Variants in FRMD4B observed in about 807,000 individuals in gnomAD.
FRMD4B encodes FERM domain-containing protein 4B.
Under a neutral mutation model 141.5 loss-of-function variants are expected in FRMD4B, and 74 were observed. The observed-to-expected ratio is 0.52, with a 90% CI of 0.43 to 0.63. The LOEUF (loss-of-function observed/expected upper bound fraction) is 0.63, where lower values mean the gene tolerates loss of function less well. FRMD4B is among the 30% of genes least tolerant of loss of function. The pLI, the probability that FRMD4B is intolerant of heterozygous loss-of-function variation, is 0.00. For synonymous variants in FRMD4B, 506 were observed against 467.9 expected, an observed-to-expected ratio of 1.08 and a Z score of -1.05; for missense variants, 1,366 against 1,253.4, an observed-to-expected ratio of 1.09 and a Z score of -1.36.
At chr3:69,238,808 C>G (rs987249436) in intron 7 of FRMD4B, among the ~76,000 whole-genome samples, 1 of 152,092 alleles carries the variant, frequency 6.6e-6, no homozygotes, top group Non-Finnish European at 1.5e-5. Flanking sequence ...CAAAAATGTT[C>G]CTTCCTTTCT....
chr3:69,190,965 G>C (rs1471510366), intron 17 of FRMD4B, among the ~76,000 whole-genome samples: 1 of 152,218 alleles, frequency 6.6e-6, no homozygotes, highest in African/African-American at 2.4e-5. Context: ...TAGTGCTGGG[G>C]TGAGGCGTTA....
chr3:69,541,282 C>A (rs6786922), intron 1 of FRMD4B: 23,042 of 152,090 alleles, frequency 0.15, 2,033 homozygotes, highest in African/African-American at 0.24. Flanking sequence ...CAAATCAGTT[C>A]GCGAAGTTCA....
At chr3:69,507,570 T>G (rs548164075) in intron 1 of FRMD4B, among the ~76,000 whole-genome samples, 1 of 152,218 alleles carries the variant, frequency 6.6e-6, no homozygotes, top group Non-Finnish European at 1.5e-5. Flanking sequence ...CAGTACCATA[T>G]TGATGGATAT....
intron 1 of FRMD4B, among the ~76,000 whole-genome samples, chr3:69,485,434 C>A (rs903022086): frequency 3.3e-5 from 5 of 152,160 alleles, no homozygotes; most frequent in African/African-American, 1.2e-4. Flanking sequence ...GGCCCAGATC[C>A]GCACCCAGGA....
At chr3:69,301,822 T>A (rs1701227478) in intron 4 of FRMD4B, among the ~76,000 whole-genome samples, 1 of 152,244 alleles carries the variant, frequency 6.6e-6, no homozygotes, top group Non-Finnish European at 1.5e-5. Flanking sequence ...TCTGTCTGCA[T>A]GTGAATGCAA....
intron 1 of FRMD4B, among the ~76,000 whole-genome samples, chr3:69,323,519 C>T (rs1293541690): frequency 1.3e-5 from 2 of 150,524 alleles, no homozygotes; most frequent in Non-Finnish European, 3.0e-5. Flanking sequence ...GAGCTGAGGT[C>T]GCACCACTGC....
chr3:69,506,227 T>G (rs1368787251), intron 1 of FRMD4B, among the ~76,000 whole-genome samples: 1 of 152,092 alleles, frequency 6.6e-6, no homozygotes, highest in Non-Finnish European at 1.5e-5. Flanking sequence ...TCACCCCACT[T>G]CCTCTTCAGA....
At chr3:69,374,481 T>C (rs1413461227) in intron 1 of FRMD4B, among the ~76,000 whole-genome samples, 1 of 152,218 alleles carries the variant, frequency 6.6e-6, no homozygotes. Flanking sequence ...ATGCTTATAA[T>C]AACCAGGTCT....
intron 1 of FRMD4B, among the ~76,000 whole-genome samples, chr3:69,490,967 T>A (rs1380847544): frequency 6.6e-6 from 1 of 152,144 alleles, no homozygotes; most frequent in Admixed American, 6.5e-5. Context: ...TTAACAACAA[T>A]TTTTTGATGC....
At chr3:69,536,795 G>A (rs1186034299) in intron 1 of FRMD4B, 2 of 430,704 alleles carry the variant, frequency 4.6e-6, no homozygotes, top group African/African-American at 4.1e-5. Context: ...CGCTCAGGCT[G>A]GAGTGCAATG....
chr3:69,412,700 C>T (rs1427182512), intron 2 of FRMD4B, among the ~76,000 whole-genome samples: 1 of 152,110 alleles, frequency 6.6e-6, no homozygotes. Context: ...AGATGCAGAA[C>T]TTGAATGAGC....
At chr3:69,355,526 G>C (rs1019293340) in intron 1 of FRMD4B, among the ~76,000 whole-genome samples, 5 of 152,130 alleles carry the variant, frequency 3.3e-5, no homozygotes, top group African/African-American at 1.2e-4. Flanking sequence ...TGATTGTATG[G>C]TAAAAATGTT....
intron 11 of FRMD4B, among the ~76,000 whole-genome samples, chr3:69,211,709 G>A (rs1039548637): frequency 1.3e-4 from 20 of 152,222 alleles, no homozygotes; most frequent in African/African-American, 4.1e-4. Context: ...GCACCTTAAG[G>A]CCTCTCATTA....
At chr3:69,366,504 T>G (rs1703661611) in intron 1 of FRMD4B, among the ~76,000 whole-genome samples, 1 of 123,076 alleles carries the variant, frequency 8.1e-6, no homozygotes, top group African/African-American at 3.3e-5. Context: ...AAGTATAGGG[T>G]GATCTCACCT....
intron 2 of FRMD4B, among the ~76,000 whole-genome samples, chr3:69,415,801 GGTCTCTATT>G (rs1242284506): frequency 2.6e-5 from 4 of 152,138 alleles, no homozygotes; most frequent in Non-Finnish European, 5.9e-5. Context: ...GTCTGCTTTT[GGTCTCTATT>G]GTTTCTCCAT....
intron 7 of FRMD4B, among the ~76,000 whole-genome samples, chr3:69,248,091 C>T (rs1430090407): frequency 6.6e-6 from 1 of 152,100 alleles, no homozygotes; most frequent in Non-Finnish European, 1.5e-5. Flanking sequence ...CATGCCCGGC[C>T]TCAGGCGTGA....
At chr3:69,195,831 G>A (rs930269719) in intron 14 of FRMD4B, among the ~76,000 whole-genome samples, 1 of 152,128 alleles carries the variant, frequency 6.6e-6, no homozygotes, top group Non-Finnish European at 1.5e-5. Context: ...TATACTTAAT[G>A]ATAAGGGATT....
At chr3:69,175,576 G>A (rs546933541) in intron 22 of FRMD4B, among the ~76,000 whole-genome samples, 122 of 152,108 alleles carry the variant, frequency 8.0e-4, no homozygotes, top group African/African-American at 2.9e-3. Context: ...AAGGAACCTT[G>A]GTATGAACAG....
intron 11 of FRMD4B, among the ~76,000 whole-genome samples, chr3:69,209,931 C>T (rs1209041380): frequency 6.6e-6 from 1 of 152,154 alleles, no homozygotes; most frequent in Non-Finnish European, 1.5e-5. Flanking sequence ...CTTAGAAATG[C>T]TCAAGATAGC....
Sources: allele counts gnomAD v4.1 joint callset (sites outside exome capture counted in the v4.1 genomes callset), GRCh38; gene constraint gnomAD v4.1.1; transcripts MANE v1.5; gene names NCBI Gene and HGNC (gene_info 2026-07-23, HGNC 2026-07-21).